The following GRTP1 variants were observed in gnomAD, a reference collection of about 807,000 sequenced individuals.
GRTP1 encodes the protein growth hormone-regulated TBC protein 1.
Under a neutral mutation model 38.1 loss-of-function variants are expected in GRTP1, and 56 were observed. The observed-to-expected ratio is 1.47, with a 90% confidence interval of 1.19 to 1.84. GRTP1 has a LOEUF of 1.84. Ranked by LOEUF, GRTP1 falls within the 40% of genes most tolerant of loss-of-function variation. The pLI is 0.00. For synonymous variants in GRTP1, 217 were observed against 189.5 expected, an observed-to-expected ratio of 1.14 and a Z score of -1.19; for missense variants, 506 against 453.9, an observed-to-expected ratio of 1.11 and a Z score of -1.04.
chr13:113,355,884 C>T lies in GRTP1; in HGVS notation c.182-403G>A, dbSNP rs113956660. 1,205 of 160,684 alleles carry T rather than the reference C, an allele frequency of 7.5e-3. 15 individuals are homozygous for T. Among genetic ancestry groups the T allele is most frequent in the African/African-American group, 0.028 (1,157 of 41,926 alleles). 10.0% of individuals were successfully genotyped at this position (160,684 alleles called of 1,614,324 possible). On this transcript the variant is annotated intron_variant, in intron 2 of 7. Coordinates refer to ENST00000375431, the MANE Select transcript of GRTP1 (RefSeq NM_024719.4). ...TCAGCTGTGAGCACCTCAGGTGGGA[C>T]GCCACAGCTGGGAGAACACGGTTTC...
intron 2 of GRTP1, among the ~76,000 whole-genome samples, chr13:113,362,874 C>T (rs116972348): frequency 0.06 from 9,100 of 152,194 alleles, 368 homozygotes; most frequent in Non-Finnish European, 0.083. Context: ...TCTCTGAGTT[C>T]CTAGCTCCAG....
chr13:113,331,271 C>A (rs1304139069), intron 5 of GRTP1, among the ~76,000 whole-genome samples: 1 of 152,214 alleles, frequency 6.6e-6, no homozygotes, highest in Non-Finnish European at 1.5e-5. Context: ...TGCTCCTCAT[C>A]TGAGCCACAG....
rs376495556 is a variant in GRTP1 at position 113,325,956 on chromosome 13, C to T, written c.698G>A (p.Trp233Ter). 33 of 1,613,858 alleles carry T rather than the reference C, an allele frequency of 2.0e-5. 1 individual carries two copies. The African/African-American group carries it at 3.2e-4, about 16-fold the overall frequency. The change falls in exon 6 of 8, where the codon TGG becomes TAG. Residue 233 changes from tryptophan (W) to a stop codon, truncating the protein, a stop_gained. Coordinates refer to ENST00000375431, the MANE Select transcript of GRTP1 (RefSeq NM_024719.4). LOFTEE classifies it high-confidence loss of function. The part of the protein sequence containing the change: ...GVLWTLLVSR[W>*]FICLFVDILP... Reference sequence around the variant, plus strand: ...GATGTCCACAAACAGGCAGATGAACCAGCGGGACACCAGCAGCGTCCACAG... The same window carrying T: ...GATGTCCACAAACAGGCAGATGAACTAGCGGGACACCAGCAGCGTCCACAG...
intron 5 of GRTP1, among the ~76,000 whole-genome samples, chr13:113,330,272 C>G (rs573039047): frequency 6.5e-5 from 9 of 138,088 alleles, no homozygotes; most frequent in African/African-American, 2.6e-4. Context: ...TGCATGGGAG[C>G]CCAGGTGTGT....
intron 4 of GRTP1, among the ~76,000 whole-genome samples, chr13:113,347,183 C>T (rs1158800166): frequency 1.5e-5 from 1 of 65,692 alleles, no homozygotes; most frequent in African/African-American, 9.3e-5. Flanking sequence ...AGAGAGCAGA[C>T]CCAGGAGGAC....
chr13:113,363,764 GTC>G lies in GRTP1; in HGVS notation c.177_178del (p.Thr60SerfsTer88), dbSNP rs759810058. 1 of 1,608,174 alleles carries G rather than the reference GTC, an allele frequency of 6.2e-7. No homozygotes were observed. The highest frequency in any genetic ancestry group is 1.3e-5 in the African/African-American group (1 of 74,902). On this transcript the variant is annotated frameshift_variant, in exon 2 of 8. Coordinates refer to ENST00000375431, the MANE Select transcript of GRTP1 (RefSeq NM_024719.4). LOFTEE classifies it high-confidence loss of function. ...CCACCTGCGCCCCCGGGACCCACCT[GTC>G]CGGCTCCTGGGGACGCCCCCGCCCT...
chr13:113,346,253 C>T (rs796333552), intron 4 of GRTP1, among the ~76,000 whole-genome samples: 310 of 12,594 alleles, frequency 0.025, 16 homozygotes, highest in Middle Eastern at 0.05. Context: ...CCTCTGTGGC[C>T]GAGAGCAGAT....
At chr13:113,333,829 T>TAATTA (rs1360137697) in intron 5 of GRTP1, among the ~76,000 whole-genome samples, 9 of 109,662 alleles carry the variant, frequency 8.2e-5, no homozygotes, top group African/African-American at 3.3e-4. Context: ...TTTATTTATT[T>TAATTA]ATTTATTTAG....
intron 7 of GRTP1, 82 bp from the exon 8 acceptor site, chr13:113,324,659 C>T (rs2042732850): frequency 6.6e-7 from 1 of 1,517,600 alleles, no homozygotes; most frequent in South Asian, 1.3e-5. Flanking sequence ...GGCAGGCAGA[C>T]AGGCCTCGTG....
At chr13:113,335,010 C>T (rs935909862) in intron 5 of GRTP1, among the ~76,000 whole-genome samples, 2 of 151,550 alleles carry the variant, frequency 1.3e-5, no homozygotes, top group African/African-American at 4.8e-5. Context: ...TTTTAGTAGA[C>T]ACGGGGTTTC....
At chr13:113,336,516 G>T (rs2139426628) in intron 5 of GRTP1, among the ~76,000 whole-genome samples, 1 of 152,176 alleles carries the variant, frequency 6.6e-6, no homozygotes, top group East Asian at 1.9e-4. Flanking sequence ...CCATCGCTGG[G>T]AGACTGAAGA....
In GRTP1 at chr13:113,352,410, G is replaced by A. The variant is rs376657881; in HGVS notation, c.341-1437C>T. Reference sequence around the variant, plus strand: ...TATATTTAACACAGGGTCTCACTCTGTCACCCAGGCTGGAGTGCAGAGGTG... The same window carrying A: ...TATATTTAACACAGGGTCTCACTCTATCACCCAGGCTGGAGTGCAGAGGTG... On this transcript the variant is annotated intron_variant, in intron 3 of 7. Coordinates refer to ENST00000375431, the MANE Select transcript of GRTP1 (RefSeq NM_024719.4). 7.7e-4 allele frequency among the ~76,000 whole-genome samples: 57 copies of A among 73,824 alleles called. 1 individual carries two copies. The East Asian group carries it at 0.016, about 21-fold the overall frequency. 48.4% of individuals were successfully genotyped at this position (73,824 alleles called of 152,430 possible). A position where few individuals can be genotyped will look rare whatever the true frequency, so the allele number is the denominator to read the frequency against.
intron 3 of GRTP1, chr13:113,352,053 TCAGAG>T (rs1443464736): frequency 6.7e-6 from 1 of 150,138 alleles, no homozygotes; most frequent in African/African-American, 2.4e-5. Flanking sequence ...GTTCAATGCC[TCAGAG>T]CACATTATTT....
intron 2 of GRTP1, among the ~76,000 whole-genome samples, chr13:113,359,065 A>C (rs1368204300): frequency 2.0e-5 from 3 of 152,226 alleles, no homozygotes; most frequent in African/African-American, 7.2e-5. Context: ...CAGCAATAAA[A>C]AGGAAGGAAC....
chr13:113,363,455 T>A (rs2043536988), intron 2 of GRTP1, among the ~76,000 whole-genome samples: 2 of 152,164 alleles, frequency 1.3e-5, no homozygotes, highest in Non-Finnish European at 2.9e-5. Context: ...TCCGCCCGCC[T>A]CGGCCTCCCA....
At chr13:113,355,282 C>A (rs778849035) in intron 3 of GRTP1, 41 bp downstream of exon 3, 7 of 1,599,046 alleles carry the variant, frequency 4.4e-6, no homozygotes, top group South Asian at 2.2e-5. Flanking sequence ...TTCCTTCCGG[C>A]CCCCGGGCCC....
At chr13:113,358,221 T>C (rs1190935377) in intron 2 of GRTP1, among the ~76,000 whole-genome samples, 1 of 152,084 alleles carries the variant, frequency 6.6e-6, no homozygotes, top group African/African-American at 2.4e-5. Flanking sequence ...AAAATTGGCA[T>C]CATTTACAAT....
chr13:113,326,037 T>C lies in GRTP1; in HGVS notation c.617A>G (p.Glu206Gly). The C allele has an allele frequency of 6.2e-7, 1 of 1,611,888 alleles. No homozygotes were observed. The highest frequency in any genetic ancestry group is 8.5e-7 in the Non-Finnish European group (1 of 1,179,732). The part of the protein sequence containing the change: ...GLKTDQEVLG[E>G]LVRAKLPAVG... ...AGCCGGCAGCTTCGCCCGCACCAGC[T>C]CCCCGAGGACCTCCTGGTCGGTCTT... The change falls in exon 6 of 8, where the codon GAG (glutamate) becomes GGG (glycine). Residue 206 changes from glutamate (E) to glycine (G), a missense_variant. By Grantham distance (98) the Glu-to-Gly change is moderately conservative. Transcript: ENST00000375431.
At position 113,324,251 on chromosome 13, in the gene GRTP1, T is replaced by C; in HGVS notation, c.*237A>G. ...AAACCCACACTCACATTTTATATATTATTGATCTCTCAGGTAAAAATAAGT... is the reference window on the plus strand; with the variant it reads ...AAACCCACACTCACATTTTATATATCATTGATCTCTCAGGTAAAAATAAGT... On this transcript the variant is annotated 3_prime_UTR_variant, in exon 8 of 8. Transcript: ENST00000375431. 2.1e-6 allele frequency: 1 copy of C among 480,174 alleles called. No individual in the cohort carries two copies. The highest frequency in any genetic ancestry group is 3.5e-5 in the East Asian group (1 of 28,550). 29.7% of individuals were successfully genotyped at this position (480,174 alleles called of 1,614,324 possible).
Sources: allele counts gnomAD v4.1 joint callset (sites outside exome capture counted in the v4.1 genomes callset), GRCh38; gene constraint gnomAD v4.1.1; transcripts MANE v1.5; gene names NCBI Gene and HGNC (gene_info 2026-07-23, HGNC 2026-07-21).